Variants in ZNF185 observed in about 807,000 individuals in gnomAD.
ZNF185 encodes zinc finger protein 185 with LIM domain, also known as zinc finger protein 185.
ZNF185 carries 56 observed loss-of-function variants against 58.6 expected under a neutral mutation model. The observed-to-expected ratio is 0.95, with a 90% CI of 0.77 to 1.19. The LOEUF (loss-of-function observed/expected upper bound fraction) is 1.19. Ranked by LOEUF, ZNF185 falls within the 50% of genes most tolerant of loss-of-function variation. The probability of loss-of-function intolerance (pLI) is 0.00; values close to 1 mark genes in which losing one functional copy is unlikely to be tolerated. For missense variants in ZNF185, 627 were observed against 573.5 expected (o/e 1.09, Z -0.95); for synonymous variants, 230 against 215.9 (o/e 1.07, Z -0.57).
At chrX:152,945,276 T>C in exon 16 of ZNF185, 1 of 1,208,696 alleles carries the variant, frequency 8.3e-7, no homozygotes, top group Non-Finnish European at 1.1e-6. Flanking sequence ...GGGCCTTGGC[T>C]GATTATGAGG....
At chrX:152,940,527 T>C (rs782064422) in intron 15 of ZNF185, among the ~76,000 whole-genome samples, 6 of 110,426 alleles carry the variant, frequency 5.4e-5, no homozygotes, top group African/African-American at 2.0e-4. Context: ...CTGGAATCAA[T>C]AGAAAGGAGT....
intron 11 of ZNF185, among the ~76,000 whole-genome samples, chrX:152,927,325 A>G (rs1178173223): frequency 9.0e-6 from 1 of 111,557 alleles, no homozygotes; most frequent in Non-Finnish European, 1.9e-5. Flanking sequence ...TGTCCTTGGT[A>G]GCCCTTCCAT....
exon 8 of ZNF185, chrX:152,920,378 C>T (rs1556868866): frequency 8.3e-7 from 1 of 1,211,226 alleles, no homozygotes; most frequent in South Asian, 1.8e-5. Context: ...CGGGAGCACT[C>T]CTACGTCCTG....
intron 16 of ZNF185, among the ~76,000 whole-genome samples, chrX:152,954,721 C>G (rs185544885): frequency 8.9e-6 from 1 of 112,549 alleles, no homozygotes; most frequent in East Asian, 2.8e-4. Context: ...GACTCAGACT[C>G]TCAACCAGCG....
chrX:152,922,727 G>A, exon 11 of ZNF185: 1 of 1,199,630 alleles, frequency 8.3e-7, no homozygotes. Context: ...CAGTGCGGAT[G>A]GAGGCAGGAC....
At chrX:152,937,962 C>G (rs2046541936) in intron 14 of ZNF185, 112 bp from the exon 17 acceptor site, 2 of 687,269 alleles carry the variant, frequency 2.9e-6, no homozygotes, top group South Asian at 2.7e-5. Context: ...CCAGCCTTTA[C>G]TGGAAGACAC....
chrX:152,898,715 G>A, the ZNF185 span, among the ~76,000 whole-genome samples: 1 of 112,466 alleles, frequency 8.9e-6, no homozygotes, highest in Non-Finnish European at 1.9e-5. Flanking sequence ...GCTGGGTACA[G>A]GGCAATCTTG....
chrX:152,966,405 G>A (rs2050119104), intron 19 of ZNF185, among the ~76,000 whole-genome samples: 2 of 111,400 alleles, frequency 1.8e-5, no homozygotes, highest in Non-Finnish European at 3.8e-5. Context: ...TCATCTCACT[G>A]GAGGATTTTA....
At chrX:152,913,656 G>A (rs938177680), upstream of ZNF185, among the ~76,000 whole-genome samples, 2 of 112,315 alleles carry the variant, frequency 1.8e-5, no homozygotes. Context: ...TTGGCAGTGG[G>A]GCCCTGGGCT....
rs782139289 is a variant in ZNF185, at chrX:152,970,545, G to T, written c.*4G>T. The T allele has an allele frequency of 3.2e-5, 38 of 1,204,933 alleles. No homozygotes were observed. The East Asian group carries it at 1.1e-3, about 34-fold the overall frequency. On this transcript the variant is annotated splice_donor_region_variant and intron_variant, in intron 22 of 22. Coordinates refer to ENST00000449285, the Ensembl canonical transcript of ZNF185. ...ATGCTATGAGAAGCTCTTCTAGGTG[G>T]GTGCTGGCACTGCAAAGGACAAGTG...
intron 12 of ZNF185, among the ~76,000 whole-genome samples, chrX:152,928,940 G>A (rs782143273): frequency 1.8e-5 from 2 of 113,089 alleles, no homozygotes; most frequent in Admixed American, 9.3e-5. Flanking sequence ...TCTGCCTGGT[G>A]GGGGAGGCAG....
At chrX:152,946,019 C>T (rs1569510784) in intron 16 of ZNF185, among the ~76,000 whole-genome samples, 1 of 112,431 alleles carries the variant, frequency 8.9e-6, no homozygotes, top group East Asian at 2.8e-4. Flanking sequence ...AGAGGACAAA[C>T]GTGCCTGTTA....
intron 20 of ZNF185, among the ~76,000 whole-genome samples, chrX:152,967,942 A>G (rs2050276671): frequency 8.9e-6 from 1 of 112,247 alleles, no homozygotes; most frequent in East Asian, 2.8e-4. Flanking sequence ...CAGGGCCCTG[A>G]CTACTCCCAG....
At chrX:152,942,264 C>T (rs1391519602) in intron 15 of ZNF185, among the ~76,000 whole-genome samples, 6 of 111,817 alleles carry the variant, frequency 5.4e-5, no homozygotes, top group African/African-American at 2.0e-4. Flanking sequence ...CATCTTGGGC[C>T]GCTCCATCAC....
At chrX:152,940,667 A>T (rs1048942791) in intron 15 of ZNF185, among the ~76,000 whole-genome samples, 1 of 112,342 alleles carries the variant, frequency 8.9e-6, no homozygotes, top group African/African-American at 3.2e-5. Context: ...CTAGACTCTC[A>T]GATCAGAAAA....
chrX:152,948,817 G>A (rs975934881), intron 16 of ZNF185, among the ~76,000 whole-genome samples: 7 of 111,892 alleles, frequency 6.3e-5, no homozygotes, highest in African/African-American at 2.3e-4. Flanking sequence ...TCTTTCGAGG[G>A]CAAAGAGGAG....
chrX:152,967,311 G>T, intron 20 of ZNF185, 73 bp downstream of exon 22: 1 of 1,053,845 alleles, frequency 9.5e-7, no homozygotes. Flanking sequence ...TTCCTGCTGA[G>T]TCTGTTTGCT....
chrX:152,905,364 C>T, the ZNF185 span, among the ~76,000 whole-genome samples: 41 of 111,903 alleles, frequency 3.7e-4, no homozygotes, highest in Non-Finnish European at 6.8e-4. Context: ...CCCTAGCAAG[C>T]CAGCTCTGAC....
In ZNF185 at chrX:152,959,793, C is replaced by T. The variant is rs1170434296; in HGVS notation, c.1504C>T (p.Pro502Ser). The stretch of plus-strand genomic sequence containing the variant: ...AGCCCCAAGAGGTGGCCAAGGAGAC[C>T]CAGCTGTACCCACTCAGCAACCTGC... The change falls in exon 17 of 23, where the codon CCA (proline) becomes TCA (serine). Residue 502 changes from proline to serine, a missense_variant. Pro to Ser is a moderately conservative substitution (Grantham distance 74). Transcript: ENST00000449285. 5.8e-6 allele frequency: 7 copies of T among 1,211,733 alleles called. No homozygotes were observed. Among genetic ancestry groups the T allele is most frequent in the Middle Eastern group, 2.3e-4 (1 of 4,352 alleles).
Sources: gnomAD v4.1 joint callset for allele counts (sites outside exome capture counted in the v4.1 genomes callset) on GRCh38, gnomAD v4.1.1 for gene constraint, MANE v1.5 for transcripts, NCBI Gene and HGNC (gene_info 2026-07-23, HGNC 2026-07-21) for gene names.